SEZ6L2: variants seen among roughly 807,000 people sequenced by gnomAD.
SEZ6L2 encodes the protein seizure 6-like protein 2.
In SEZ6L2, 44 loss-of-function variants were observed where a neutral mutation model predicts 97.0. The ratio of observed to expected loss-of-function variants is 0.45; its 90% CI spans 0.36 to 0.58. SEZ6L2 has a LOEUF of 0.58. Among genes scored for constraint, SEZ6L2 ranks in the 20% least tolerant of loss-of-function variants. The probability of loss-of-function intolerance (pLI) is 0.00; values close to 1 mark genes in which losing one functional copy is unlikely to be tolerated. For missense variants in SEZ6L2, 1,086 were observed against 1,233.3 expected (o/e 0.88, Z 1.79); for synonymous variants, 543 against 546.1 (o/e 0.99, Z 0.08).
intron 9 of SEZ6L2, 114 bp downstream of exon 9, chr16:29,879,741 TACCCAAGGC>T (rs1386400798): frequency 1.1e-4 from 93 of 863,658 alleles, no homozygotes; most frequent in Non-Finnish European, 1.6e-4. Flanking sequence ...GACAGGGATT[TACCCAAGGC>T]TTGGGTGGAT....
intron 12 of SEZ6L2, among the ~76,000 whole-genome samples, chr16:29,875,868 G>T (rs2067893291): frequency 6.6e-6 from 1 of 151,598 alleles, no homozygotes; most frequent in Non-Finnish European, 1.5e-5. Flanking sequence ...CACCATGTTG[G>T]CCAGGCTGGT....
chr16:29,896,794 C>A (rs745578426), intron 3 of SEZ6L2, 28 bp downstream of exon 3: 1 of 1,605,376 alleles, frequency 6.2e-7, no homozygotes, highest in South Asian at 1.1e-5. Flanking sequence ...CCGGTCCTCC[C>A]ACCCCCATCC....
rs1438039785 is a variant in SEZ6L2, at chr16:29,876,991, C to T, written c.1910-41G>A. 1.9e-6 allele frequency: 3 copies of T among 1,556,532 alleles called. No homozygotes were observed. The South Asian group carries it at 3.5e-5, about 18-fold the overall frequency. On this transcript the variant is annotated intron_variant, in intron 11 of 17. Coordinates refer to ENST00000617533, the MANE Select transcript of SEZ6L2 (RefSeq NM_001243332.2). The surrounding 1 kb of genome is among the most constrained non-coding windows in gnomAD (Gnocchi z 6.5). ...GGCGAGTTTGGAGGCTGCGTTTTAA[C>T]TGCGGGCTCCCTTCCAGCCTCGGAG... is the stretch of plus-strand genomic sequence containing the variant.
At chr16:29,874,575 T>G (rs925453055) in intron 12 of SEZ6L2, among the ~76,000 whole-genome samples, 1 of 113,714 alleles carries the variant, frequency 8.8e-6, no homozygotes, top group Non-Finnish European at 1.9e-5. Context: ...TTTTTTTTTT[T>G]TTTTTTTTTT....
In SEZ6L2 at chr16:29,874,550, GTTTTTTTTTTTTTTTTTTTT is replaced by G. The variant is rs541095994; in HGVS notation, c.2105-841_2105-822del. On this transcript the variant is annotated intron_variant, in intron 12 of 17. Transcript: ENST00000617533. ...AATATAATTCTTTGTGTGTGTGCTT[GTTTTTTTTTTTTTTTTTTTT>G]TTTTTTTTTTTTTTTTTTGAGATGG... Among the ~76,000 whole-genome samples, 31 of 32,568 alleles carry G rather than the reference GTTTTTTTTTTTTTTTTTTTT, an allele frequency of 9.5e-4. 1 individual carries two copies. Among genetic ancestry groups the G allele is most frequent in the Middle Eastern group, 0.029 (1 of 34 alleles). 21.4% of individuals were successfully genotyped at this position (32,568 alleles called of 152,430 possible). A position where few individuals can be genotyped will look rare whatever the true frequency, so the allele number is the denominator to read the frequency against.
chr16:29,873,166 G>A lies in SEZ6L2; in HGVS notation c.2488+74C>T. ...GTGGGGTCGCCCATTGGTCTCAAAT[G>A]TGCTACCTGACTCTCCCAGCCCTGT... On this transcript the variant is annotated intron_variant, in intron 14 of 17. Transcript: ENST00000617533. The surrounding 1 kb of genome is among the most constrained non-coding windows in gnomAD (Gnocchi z 4.3). 6.5e-7 allele frequency: 1 copy of A among 1,543,280 alleles called. No homozygotes were observed. Among genetic ancestry groups the A allele is most frequent in the South Asian group, 1.2e-5 (1 of 85,450 alleles).
chr16:29,896,921 C>T lies in SEZ6L2; in HGVS notation c.412G>A (p.Ala138Thr). Reference protein sequence around the residue: ...GTTAPPPPSPASPGPPLGPEG... With the variant: ...GTTAPPPPSPTSPGPPLGPEG... ...GGCCCAAGGGGAGGCCCTGGGGAGG[C>T]AGGGCTGGGTGGGGGTGGGGCTGTG... The change falls in exon 3 of 18, where the codon GCC becomes ACC. Residue 138 changes from alanine (A) to threonine (T), a missense_variant. Transcript: ENST00000617533. 6.2e-7 allele frequency: 1 copy of T among 1,609,958 alleles called. No homozygotes were observed. Among genetic ancestry groups the T allele is most frequent in the Middle Eastern group, 1.7e-4 (1 of 5,884 alleles).
intron 7 of SEZ6L2, 147 bp from the exon 8 acceptor site, chr16:29,885,896 C>G: frequency 9.0e-6 from 6 of 669,882 alleles, no homozygotes; most frequent in South Asian, 5.5e-5. Context: ...CACATTCTAT[C>G]TCATTTAATT....
rs2067776796 is a variant in SEZ6L2, at chr16:29,871,413, C to T, written c.*286G>A. 1.8e-6 allele frequency: 1 copy of T among 546,098 alleles called. No homozygotes were observed. Among genetic ancestry groups the T allele is most frequent in the East Asian group, 3.1e-5 (1 of 31,986 alleles). 33.8% of individuals were successfully genotyped at this position (546,098 alleles called of 1,614,324 possible). A position where few individuals can be genotyped will look rare whatever the true frequency, so the allele number is the denominator to read the frequency against. ...GGGGTGCCCTGGGCAGGAGGGGCTG[C>T]AAGATTTGCAGGGAGGCAGAGTTCC... On this transcript the variant is annotated 3_prime_UTR_variant, in exon 18 of 18. Transcript: ENST00000617533.
In SEZ6L2 at chr16:29,883,040, C is replaced by T. The variant is rs1286926901; in HGVS notation, c.1372+2546G>A. ...TATCCCGCAATTCATTTTTGCAGAT[C>T]CACTGTTCTATTTCACTGTTACTTA... On this transcript the variant is annotated intron_variant, in intron 8 of 17. Coordinates refer to ENST00000617533, the MANE Select transcript of SEZ6L2 (RefSeq NM_001243332.2). Among the ~76,000 whole-genome samples the T allele has an allele frequency of 2.0e-5, 3 of 152,198 alleles. No individual in the cohort carries two copies. In the East Asian group the frequency reaches 5.8e-4, roughly 29 times the overall value.
In SEZ6L2 at chr16:29,872,428, C is replaced by T. The variant is rs749802292; in HGVS notation, c.2626G>A (p.Val876Ile). The T allele has an allele frequency of 1.4e-5, 22 of 1,614,058 alleles. No homozygotes were observed. The highest frequency in any genetic ancestry group is 1.6e-4 in the Middle Eastern group (1 of 6,084). ...ACTTACTTGGTGTAGTAGATGTAAA[C>T]GCCACTGCCGAGGACAATGACCAAG... The part of the protein sequence containing the change: ...LGLVIVLGSG[V>I]YIYYTKLQGK... The change falls in exon 16 of 18, where the codon GTT becomes ATT. Residue 876 changes from valine to isoleucine, a missense_variant. Physicochemically the swap from Val to Ile is conservative, Grantham distance 29. Around this residue, in one of 2 missense-constraint regions of SEZ6L2, gnomAD observed 310 missense variants for 438.6 expected, o/e 0.71. Transcript: ENST00000617533.
In SEZ6L2 at chr16:29,871,483, G is replaced by A. The variant is rs570973787; in HGVS notation, c.*216C>T. The A allele has an allele frequency of 5.7e-4, 345 of 610,508 alleles. 10 individuals are homozygous for A. In the South Asian group the frequency reaches 6.2e-3, roughly 11 times the overall value. The allele number at this position is 610,508 out of a possible 1,614,324, so 37.8% of individuals were successfully genotyped here. The stretch of plus-strand genomic sequence containing the variant: ...CGGTAGGGCGGGGGGCAGGCCCCTC[G>A]TTTGGCAACTGAGAAGAGGCGGCTT... On this transcript the variant is annotated 3_prime_UTR_variant, in exon 18 of 18. Transcript: ENST00000617533.
intron 8 of SEZ6L2, among the ~76,000 whole-genome samples, chr16:29,882,972 G>A (rs923655783): frequency 3.3e-5 from 5 of 152,102 alleles, no homozygotes; most frequent in Admixed American, 6.6e-5. Flanking sequence ...TGCTATTTTC[G>A]GTAAAAGATC....
chr16:29,896,987 C>T lies in SEZ6L2; in HGVS notation c.346G>A (p.Gly116Ser). 6.3e-7 allele frequency: 1 copy of T among 1,589,780 alleles called. No homozygotes were observed. Among genetic ancestry groups the T allele is most frequent in the South Asian group, 1.1e-5 (1 of 88,778 alleles). ...GTCAGCAGTTCTGGCGCAGTGGGGC[C>T]TGCCCCCCTGACCCCGTTAGGGGTG... ...AVTPNGVRGA[G>S]PTAPELLTPP... is the part of the protein sequence containing the mutation. Residue 116 changes from glycine to serine, a missense_variant, in exon 3 of 18, where the codon GGC (glycine) becomes AGC (serine). Around this residue, in one of 2 missense-constraint regions of SEZ6L2, gnomAD observed 776 missense variants for 794.7 expected, o/e 0.98. Coordinates refer to ENST00000617533, the MANE Select transcript of SEZ6L2 (RefSeq NM_001243332.2).
chr16:29,880,144 G>T, intron 8 of SEZ6L2, 80 bp from the exon 9 acceptor site: 1 of 1,402,390 alleles, frequency 7.1e-7, no homozygotes, highest in Non-Finnish European at 9.7e-7. Flanking sequence ...GGCTGAATTG[G>T]GGTGTTCTTT....
At chr16:29,877,530 C>T in intron 10 of SEZ6L2, 63 bp from the exon 11 acceptor site, 1 of 1,435,468 alleles carries the variant, frequency 7.0e-7, no homozygotes. Context: ...TCCAGCTCTG[C>T]CCCATCCTCA....
chr16:29,888,479 T>G, intron 6 of SEZ6L2, 61 bp downstream of exon 6: 2 of 1,550,736 alleles, frequency 1.3e-6, no homozygotes, highest in Non-Finnish European at 1.8e-6. Context: ...ACCCCCGAGA[T>G]AGGACCCTCC....
chr16:29,898,203 C>T (rs1300252853), intron 1 of SEZ6L2, among the ~76,000 whole-genome samples: 1 of 152,130 alleles, frequency 6.6e-6, no homozygotes, highest in Admixed American at 6.5e-5. Context: ...CTCCCTTCTC[C>T]CTGGGCTGTG....
At chr16:29,888,746 G>A (rs767196352) in intron 5 of SEZ6L2, 21 bp from the exon 6 acceptor site, 1 of 1,594,528 alleles carries the variant, frequency 6.3e-7, no homozygotes, top group Admixed American at 1.7e-5. Context: ...CAGACAGCGG[G>A]TAGCAGGGCT....
Sources: allele counts gnomAD v4.1 joint callset (sites outside exome capture counted in the v4.1 genomes callset), GRCh38; gene constraint gnomAD v4.1.1; regional missense constraint gnomAD v4.1.1; non-coding constraint Gnocchi (gnomAD v3.1); transcripts MANE v1.5; gene names NCBI Gene and HGNC (gene_info 2026-07-23, HGNC 2026-07-21).